MYO3B: variants seen among roughly 807,000 people sequenced by gnomAD.
MYO3B encodes myosin IIIB, also known as myosin-IIIb.
In MYO3B, 156 loss-of-function variants were observed where a neutral mutation model predicts 174.6. That is an observed-to-expected ratio of 0.89 (90% CI 0.78 to 1.02). The LOEUF is 1.02. Ranked by LOEUF, MYO3B falls within the 50% of genes least tolerant of loss-of-function variation. MYO3B has a pLI of 0.00. For missense variants in MYO3B, 1,632 were observed against 1,639.4 expected (o/e 1.00, Z 0.08); for synonymous variants, 563 against 569.1 (o/e 0.99, Z 0.15).
intron 32 of MYO3B, among the ~76,000 whole-genome samples, chr2:170,573,811 A>T (rs949052756): frequency 5.9e-5 from 9 of 152,296 alleles, no homozygotes; most frequent in Admixed American, 3.9e-4. Flanking sequence ...GCTTAAGACG[A>T]ATTTCTATCA....
intron 23 of MYO3B, among the ~76,000 whole-genome samples, chr2:170,450,175 A>G (rs1683512606): frequency 6.6e-6 from 1 of 152,196 alleles, no homozygotes; most frequent in Admixed American, 6.5e-5. Context: ...ACACATACAA[A>G]TAACATATTT....
At chr2:170,525,741 T>A (rs1688956381) in intron 30 of MYO3B, among the ~76,000 whole-genome samples, 1 of 152,192 alleles carries the variant, frequency 6.6e-6, no homozygotes, top group Admixed American at 6.5e-5. Context: ...TGGAGCCAAT[T>A]GGGCTGACCT....
chr2:170,539,690 G>A lies in MYO3B; in HGVS notation c.3576-3216G>A, dbSNP rs1374792327. ...GCTGGAGTGCAGTGGTGCGATCTTGGCTCAGTGTAGCCTCGACCTCCAGGG... is the reference window on the plus strand; with the variant it reads ...GCTGGAGTGCAGTGGTGCGATCTTGACTCAGTGTAGCCTCGACCTCCAGGG... On this transcript the variant is annotated intron_variant, in intron 30 of 34. Transcript: ENST00000408978. Among the ~76,000 whole-genome samples, 3 of 151,964 alleles carry A rather than the reference G, an allele frequency of 2.0e-5. No homozygotes were observed. In the East Asian group the frequency reaches 5.8e-4, roughly 29 times the overall value.
At chr2:170,447,734 G>A (rs768716889) in intron 23 of MYO3B, among the ~76,000 whole-genome samples, 34 of 152,216 alleles carry the variant, frequency 2.2e-4, no homozygotes, top group Non-Finnish European at 4.4e-4. Flanking sequence ...TGCTGGCTGC[G>A]CAGGAGACCA....
chr2:170,369,786 A>G (rs982058804), intron 9 of MYO3B, among the ~76,000 whole-genome samples: 20 of 152,070 alleles, frequency 1.3e-4, no homozygotes, highest in Middle Eastern at 3.2e-3. Context: ...ACTGAAGAGC[A>G]GTAATGCAGG....
At chr2:170,393,312 G>A (rs1244689592) in intron 16 of MYO3B, among the ~76,000 whole-genome samples, 2 of 151,792 alleles carry the variant, frequency 1.3e-5, no homozygotes, top group African/African-American at 4.8e-5. Flanking sequence ...TTGAACTCCT[G>A]ACCTCAAGTG....
chr2:170,524,706 A>C, intron 30 of MYO3B: 1 of 309,294 alleles, frequency 3.2e-6, no homozygotes, highest in Non-Finnish European at 6.4e-6. Context: ...CTGATCTCGA[A>C]CTCCTGACGT....
At chr2:170,457,241 G>C (rs1187494918) in intron 23 of MYO3B, among the ~76,000 whole-genome samples, 1 of 152,050 alleles carries the variant, frequency 6.6e-6, no homozygotes, top group African/African-American at 2.4e-5. Flanking sequence ...AGGCTATACT[G>C]AATTTATTTT....
At chr2:170,248,649 C>T (rs2093218413) in intron 7 of MYO3B, among the ~76,000 whole-genome samples, 2 of 152,266 alleles carry the variant, frequency 1.3e-5, no homozygotes, top group South Asian at 4.1e-4. Context: ...TTAAAAGCCA[C>T]CAGTGGCTGC....
intron 25 of MYO3B, among the ~76,000 whole-genome samples, chr2:170,487,605 A>G (rs1017326631): frequency 3.9e-5 from 6 of 152,238 alleles, no homozygotes; most frequent in Non-Finnish European, 5.9e-5. Flanking sequence ...TTATAAATAA[A>G]AAAATGTTTC....
chr2:170,433,895 T>C (rs2094730451), intron 22 of MYO3B, among the ~76,000 whole-genome samples: 1 of 152,238 alleles, frequency 6.6e-6, no homozygotes, highest in African/African-American at 2.4e-5. Context: ...TCCATGTTCT[T>C]TTCATAAGAC....
intron 7 of MYO3B, among the ~76,000 whole-genome samples, chr2:170,283,026 T>C (rs1265421861): frequency 2.0e-5 from 3 of 152,152 alleles, no homozygotes; most frequent in African/African-American, 7.2e-5. Flanking sequence ...GCCAGTGGTG[T>C]GCTCCCAAGA....
chr2:170,296,421 G>C (rs935541034), intron 7 of MYO3B, among the ~76,000 whole-genome samples: 1 of 152,106 alleles, frequency 6.6e-6, no homozygotes, highest in East Asian at 1.9e-4. Context: ...ACCACAAGAG[G>C]GGTATTCAAA....
At position 170,651,658 on chromosome 2, in the gene MYO3B, G is replaced by A. The variant is rs750200140; in HGVS notation, c.3764G>A (p.Arg1255Gln). 9.3e-6 allele frequency: 15 copies of A among 1,613,914 alleles called. No individual in the cohort carries two copies. Among genetic ancestry groups the A allele is most frequent in the African/African-American group, 2.7e-5 (2 of 74,970 alleles). The change falls in exon 33 of 35, where the codon CGA (arginine) becomes CAA (glutamine). Residue 1255 changes from arginine to glutamine, a missense_variant. Coordinates refer to ENST00000408978, the MANE Select transcript of MYO3B (RefSeq NM_138995.5). ...GSENGLAQKH[R>Q]TPRRRCQQPK... Reference sequence around the variant, plus strand: ...GAAAATGGTCTTGCACAGAAGCATCGAACACCTCGCCGACGATGTCAGCAG... The same window carrying A: ...GAAAATGGTCTTGCACAGAAGCATCAAACACCTCGCCGACGATGTCAGCAG...
chr2:170,222,059 C>T (rs143022906), intron 6 of MYO3B, among the ~76,000 whole-genome samples: 54 of 152,222 alleles, frequency 3.5e-4, no homozygotes, highest in Middle Eastern at 3.4e-3. Context: ...TAGTTTGTTC[C>T]GGAGTTTGTT....
intron 7 of MYO3B, among the ~76,000 whole-genome samples, chr2:170,278,383 T>C (rs1253069291): frequency 2.0e-5 from 3 of 152,198 alleles, no homozygotes; most frequent in Non-Finnish European, 2.9e-5. Flanking sequence ...AGCACACATC[T>C]ATTTTTGGCA....
chr2:170,221,563 C>T (rs1318944584), intron 6 of MYO3B, among the ~76,000 whole-genome samples: 1 of 152,132 alleles, frequency 6.6e-6, no homozygotes, highest in Non-Finnish European at 1.5e-5. Context: ...TCTCTTACTA[C>T]CTCATTTGGA....
At position 170,466,635 on chromosome 2, in the gene MYO3B, A is replaced by G; in HGVS notation, c.2938A>G (p.Thr980Ala). The change falls in exon 25 of 35, where the codon ACA becomes GCA. Residue 980 changes from threonine (T) to alanine (A), a missense_variant. By Grantham distance (58) the Thr-to-Ala change is moderately conservative (BLOSUM62 0). Coordinates refer to ENST00000408978, the MANE Select transcript of MYO3B (RefSeq NM_138995.5). Reference protein sequence around the residue: ...RERVLAQLRSTGILETVSIRR... With the variant: ...RERVLAQLRSAGILETVSIRR... ...GAGGGTGCTGGCCCAGCTCCGCTCCACAGGGATTCTGGAGACAGTCAGCAT... is the reference window on the plus strand; with the variant it reads ...GAGGGTGCTGGCCCAGCTCCGCTCCGCAGGGATTCTGGAGACAGTCAGCAT... 6.2e-7 allele frequency: 1 copy of G among 1,614,226 alleles called. No homozygotes were observed. The highest frequency in any genetic ancestry group is 8.5e-7 in the Non-Finnish European group (1 of 1,180,038).
chr2:170,586,263 G>C (rs982355817), intron 32 of MYO3B, among the ~76,000 whole-genome samples: 3 of 152,104 alleles, frequency 2.0e-5, no homozygotes, highest in African/African-American at 7.2e-5. Context: ...ATTTGTTTTG[G>C]TTGCCTTAGC....
Sources: allele counts gnomAD v4.1 joint callset (sites outside exome capture counted in the v4.1 genomes callset), GRCh38; gene constraint gnomAD v4.1.1; transcripts MANE v1.5; gene names NCBI Gene and HGNC (gene_info 2026-07-23, HGNC 2026-07-21).